The following PRR5L variants were observed in gnomAD, a reference collection of about 807,000 sequenced individuals.
PRR5L encodes proline-rich protein 5-like.
PRR5L carries 21 observed loss-of-function variants against 36.4 expected under a neutral mutation model. The ratio of observed to expected loss-of-function variants is 0.58; its 90% CI spans 0.41 to 0.83. The LOEUF (loss-of-function observed/expected upper bound fraction) is 0.83. Among genes scored for constraint, PRR5L ranks in the 40% least tolerant of loss-of-function variants. The probability of loss-of-function intolerance (pLI) is 0.00; values close to 1 mark genes in which losing one functional copy is unlikely to be tolerated. For missense variants in PRR5L, 381 were observed against 473.3 expected (o/e 0.80, Z 1.81); for synonymous variants, 188 against 197.0 (o/e 0.95, Z 0.38).
chr11:36,414,526 G>C (rs1201055782), intron 3 of PRR5L, among the ~76,000 whole-genome samples: 3 of 146,290 alleles, frequency 2.1e-5, no homozygotes, highest in African/African-American at 7.8e-5. Context: ...AGAAGTGTCT[G>C]TTCATGTCCT....
chr11:36,305,944 A>G (rs983585988), intron 1 of PRR5L, among the ~76,000 whole-genome samples: 10 of 152,210 alleles, frequency 6.6e-5, no homozygotes, highest in Admixed American at 5.9e-4. Context: ...TGCTGTGAGG[A>G]CTGACTGAAT....
At chr11:36,374,388 C>G (rs1857232172) in intron 1 of PRR5L, among the ~76,000 whole-genome samples, 1 of 151,820 alleles carries the variant, frequency 6.6e-6, no homozygotes, top group South Asian at 2.1e-4. Flanking sequence ...CCACCACACC[C>G]GGCCAAAATT....
chr11:36,327,533 C>T (rs764676617), intron 1 of PRR5L, among the ~76,000 whole-genome samples: 4 of 152,162 alleles, frequency 2.6e-5, no homozygotes, highest in Non-Finnish European at 5.9e-5. Flanking sequence ...AAAATTCTCT[C>T]TTGTAGGAGA....
At chr11:36,401,721 C>T (rs1349643365) in intron 2 of PRR5L, among the ~76,000 whole-genome samples, 1 of 152,180 alleles carries the variant, frequency 6.6e-6, no homozygotes, top group Admixed American at 6.5e-5. Flanking sequence ...GTGTGAGCTA[C>T]TGCACCTGGC....
chr11:36,312,177 A>G (rs553057192), intron 1 of PRR5L, among the ~76,000 whole-genome samples: 1 of 152,308 alleles, frequency 6.6e-6, no homozygotes, highest in African/African-American at 2.4e-5. Context: ...ACGTAAATAT[A>G]TTCCCTGTAT....
chr11:36,419,384 G>A (rs1858216270), intron 4 of PRR5L, 81 bp downstream of exon 4: 2 of 1,215,608 alleles, frequency 1.6e-6, no homozygotes, highest in African/African-American at 3.0e-5. Context: ...ATACTGTACA[G>A]TTGGACATTC....
chr11:36,376,659 C>G, intron 1 of PRR5L: 2 of 989,824 alleles, frequency 2.0e-6, no homozygotes, highest in East Asian at 2.3e-4. Context: ...AGGCGAGCGG[C>G]GGGTGTGCGC....
chr11:36,446,042 A>C (rs1462669865), intron 6 of PRR5L, among the ~76,000 whole-genome samples: 1 of 152,156 alleles, frequency 6.6e-6, no homozygotes. Flanking sequence ...AGCACTTATA[A>C]TAGTGTGGCC....
At chr11:36,388,034 G>T (rs529726207) in intron 1 of PRR5L, 1 of 152,202 alleles carries the variant, frequency 6.6e-6, no homozygotes, top group Non-Finnish European at 1.5e-5. Flanking sequence ...GCCAGGGCAG[G>T]TGCTGGTAGT....
intron 5 of PRR5L, among the ~76,000 whole-genome samples, chr11:36,432,833 G>A (rs1046455835): frequency 2.6e-5 from 4 of 152,130 alleles, no homozygotes; most frequent in Non-Finnish European, 4.4e-5. Flanking sequence ...CCCTGGGAAA[G>A]ACACGAGTGT....
rs148125020 is a variant in PRR5L, at chr11:36,320,998, A to C, written c.-126+24560A>C. 8.3e-4 allele frequency among the ~76,000 whole-genome samples: 126 copies of C among 152,312 alleles called. 1 individual carries two copies. The highest frequency in any genetic ancestry group is 2.9e-3 in the African/African-American group (121 of 41,576). ...AAAGAAAGTTTCTCCTATTTTTTAC[A>C]GTTCTTATTATGGAATTTTAAAAAA... On this transcript the variant is annotated intron_variant, in intron 1 of 8. Transcript: ENST00000530639.
At chr11:36,376,968 C>G (rs780460231) in intron 1 of PRR5L, among the ~76,000 whole-genome samples, 1 of 152,074 alleles carries the variant, frequency 6.6e-6, no homozygotes, top group East Asian at 1.9e-4. Flanking sequence ...GCCACGCTCC[C>G]GGTCTGCTCT....
At chr11:36,304,919 T>G (rs1397596311) in intron 1 of PRR5L, among the ~76,000 whole-genome samples, 1 of 152,178 alleles carries the variant, frequency 6.6e-6, no homozygotes, top group Non-Finnish European at 1.5e-5. Context: ...CCTCATGTGC[T>G]GCTGGTGGGA....
intron 1 of PRR5L, chr11:36,376,323 G>A (rs1857258370): frequency 2.8e-6 from 3 of 1,082,172 alleles, no homozygotes; most frequent in East Asian, 7.8e-5. Flanking sequence ...GGGGAGGAGG[G>A]GGAGAAGGGG....
chr11:36,383,623 C>A (rs1214853575), intron 1 of PRR5L, among the ~76,000 whole-genome samples: 1 of 152,022 alleles, frequency 6.6e-6, no homozygotes, highest in African/African-American at 2.4e-5. Context: ...TGTTCACGTT[C>A]TCTGCTTCGG....
At chr11:36,346,421 A>C (rs1165529408) in intron 1 of PRR5L, among the ~76,000 whole-genome samples, 1 of 152,118 alleles carries the variant, frequency 6.6e-6, no homozygotes, top group African/African-American at 2.4e-5. Flanking sequence ...GGCTCAACTA[A>C]AAATACAAAA....
chr11:36,370,880 C>CAAAAA (rs566607958), intron 1 of PRR5L, among the ~76,000 whole-genome samples: 38,395 of 117,926 alleles, frequency 0.33, 7,150 homozygotes, highest in East Asian at 0.52. Context: ...GACTCCATCT[C>CAAAAA]AAAAAAAAAA....
chr11:36,342,099 A>G (rs1856822834), intron 1 of PRR5L, among the ~76,000 whole-genome samples: 1 of 152,126 alleles, frequency 6.6e-6, no homozygotes, highest in African/African-American at 2.4e-5. Context: ...TTTTGGGAGG[A>G]TACAGCAGAC....
At position 36,377,923 on chromosome 11, in the gene PRR5L, C is replaced by T. The variant is rs557485765; in HGVS notation, c.-125-23074C>T. Among the ~76,000 whole-genome samples the T allele has an allele frequency of 7.9e-5, 12 of 152,274 alleles. No homozygotes were observed. Among genetic ancestry groups the T allele is most frequent in the Admixed American group, 6.5e-4 (10 of 15,302 alleles). Reference sequence around the variant, plus strand: ...TTCTGGACCTGTTGCCCAGACGACACGTGCACATTCAGATGACCCATGCTA... The same window carrying T: ...TTCTGGACCTGTTGCCCAGACGACATGTGCACATTCAGATGACCCATGCTA... On this transcript the variant is annotated intron_variant, in intron 1 of 8. Transcript: ENST00000530639. The surrounding 1 kb of genome is among the most constrained non-coding windows in gnomAD (Gnocchi z 5.1).
Sources: gnomAD v4.1 joint callset for allele counts (sites outside exome capture counted in the v4.1 genomes callset) on GRCh38, gnomAD v4.1.1 for gene constraint, Gnocchi (gnomAD v3.1) non-coding constraint, MANE v1.5 for transcripts, NCBI Gene and HGNC (gene_info 2026-07-23, HGNC 2026-07-21) for gene names.